The following PTK2B variants were observed in gnomAD, a reference collection of about 807,000 sequenced individuals.
PTK2B encodes the protein protein-tyrosine kinase 2-beta.
In PTK2B, 71 loss-of-function variants were observed where a neutral mutation model predicts 142.9. The observed-to-expected ratio is 0.50, with a 90% confidence interval of 0.41 to 0.61. The LOEUF (loss-of-function observed/expected upper bound fraction) is 0.61, where lower values mean the gene tolerates loss of function less well. Ranked by LOEUF, PTK2B falls within the 20% of genes least tolerant of loss-of-function variation. The pLI, the probability that PTK2B is intolerant of heterozygous loss-of-function variation, is 0.00. For synonymous variants in PTK2B, 519 were observed against 503.4 expected, an observed-to-expected ratio of 1.03 and a Z score of -0.42; for missense variants, 1,105 against 1,320.4, an observed-to-expected ratio of 0.84 and a Z score of 2.53.
intron 1 of PTK2B, among the ~76,000 whole-genome samples, chr8:27,343,301 C>T (rs911232422): frequency 1.7e-4 from 26 of 152,270 alleles, no homozygotes; most frequent in Middle Eastern, 3.4e-3. Context: ...ACAGCCAAGC[C>T]CTCCCACTGC....
chr8:27,426,690 T>A (rs1810106104), intron 5 of PTK2B, among the ~76,000 whole-genome samples: 2 of 152,170 alleles, frequency 1.3e-5, no homozygotes, highest in Non-Finnish European at 2.9e-5. Context: ...ATATAAATGA[T>A]CTTCGATGCC....
intron 1 of PTK2B, among the ~76,000 whole-genome samples, chr8:27,377,273 A>G (rs1806729180): frequency 6.6e-6 from 1 of 152,206 alleles, no homozygotes; most frequent in Admixed American, 6.5e-5. Flanking sequence ...GTGATCTGTG[A>G]TCACGGCCAA....
At chr8:27,377,058 G>A (rs1167182882) in intron 1 of PTK2B, among the ~76,000 whole-genome samples, 2 of 152,262 alleles carry the variant, frequency 1.3e-5, no homozygotes, top group Non-Finnish European at 2.9e-5. Context: ...GTGGGAGTGA[G>A]GAGGGTGCAA....
intron 1 of PTK2B, among the ~76,000 whole-genome samples, chr8:27,334,475 G>C (rs1275649392): frequency 1.3e-5 from 2 of 152,184 alleles, no homozygotes; most frequent in Non-Finnish European, 2.9e-5. Context: ...CTCAGTCGGT[G>C]ACCCACCCTT....
chr8:27,389,821 C>T (rs547601849), intron 1 of PTK2B, among the ~76,000 whole-genome samples: 9 of 152,244 alleles, frequency 5.9e-5, no homozygotes, highest in East Asian at 1.9e-4. Context: ...GCTGGCCCTG[C>T]GGGAACTGAG....
At chr8:27,445,772 C>T (rs1472624401) in intron 23 of PTK2B, 22 bp from the exon 24 acceptor site, 1 of 1,612,698 alleles carries the variant, frequency 6.2e-7, no homozygotes, top group African/African-American at 1.3e-5. Context: ...GTGCCTTGTG[C>T]TTCTTTGCTT....
At chr8:27,364,490 G>A (rs773471481) in intron 1 of PTK2B, among the ~76,000 whole-genome samples, 4 of 152,240 alleles carry the variant, frequency 2.6e-5, no homozygotes, top group Non-Finnish European at 5.9e-5. Flanking sequence ...GCTTCCTGAC[G>A]GAGGTGAAAC....
At chr8:27,398,077 A>G (rs1392952694) in intron 2 of PTK2B, among the ~76,000 whole-genome samples, 1 of 152,274 alleles carries the variant, frequency 6.6e-6, no homozygotes, top group Non-Finnish European at 1.5e-5. Context: ...AGTATTTATG[A>G]TACTTGAAGC....
chr8:27,449,563 A>G (rs143261367), intron 24 of PTK2B, among the ~76,000 whole-genome samples: 32 of 152,352 alleles, frequency 2.1e-4, no homozygotes, highest in African/African-American at 6.7e-4. Flanking sequence ...AAGGCAAGGA[A>G]CTGAGGGACC....
At chr8:27,379,207 A>T (rs2131067617) in intron 1 of PTK2B, among the ~76,000 whole-genome samples, 1 of 152,276 alleles carries the variant, frequency 6.6e-6, no homozygotes, top group African/African-American at 2.4e-5. Flanking sequence ...AACCAACATT[A>T]AAAGGGAACA....
rs1812003012 is a variant in PTK2B at position 27,454,253 on chromosome 8, T to C, written c.2695T>C (p.Cys899Arg). The change falls in exon 29 of 31, where the codon TGT (cysteine) becomes CGT (arginine). Residue 899 changes from cysteine to arginine, a missense_variant. By Grantham distance (180) the Cys-to-Arg change is radical. Transcript: ENST00000346049. Reference protein sequence around the residue: ...RAVLELKNELCQLPPEGYVVV... With the variant: ...RAVLELKNELRQLPPEGYVVV... The stretch of plus-strand genomic sequence containing the variant: ...CGTGCTGGAGCTCAAGAATGAGCTC[T>C]GTCAGCTGCCCCCCGAGGGCTACGT... The C allele has an allele frequency of 6.2e-7, 1 of 1,614,102 alleles. No homozygotes were observed. Among genetic ancestry groups the C allele is most frequent in the East Asian group, 2.2e-5 (1 of 44,870 alleles).
intron 1 of PTK2B, among the ~76,000 whole-genome samples, chr8:27,394,727 A>G (rs1807936778): frequency 6.6e-6 from 1 of 152,232 alleles, no homozygotes; most frequent in South Asian, 2.1e-4. Flanking sequence ...ATGCTTTTGT[A>G]TAATACTTAG....
chr8:27,429,696 T>G (rs1810289068), intron 5 of PTK2B, among the ~76,000 whole-genome samples: 1 of 152,130 alleles, frequency 6.6e-6, no homozygotes, highest in South Asian at 2.1e-4. Flanking sequence ...ATCTCAGAGA[T>G]AGCAAATAAG....
intron 6 of PTK2B, 28 bp from the exon 7 acceptor site, chr8:27,430,336 C>T: frequency 6.2e-7 from 1 of 1,614,080 alleles, no homozygotes; most frequent in Non-Finnish European, 8.5e-7. Context: ...GGGGGAGTCA[C>T]ATGCTGCCTT....
Position 27,435,785 on chromosome 8 carries a change from G to A in PTK2B, c.1235G>A (p.Arg412Lys), listed in dbSNP as rs765654240. The A allele has an allele frequency of 6.2e-7, 1 of 1,614,138 alleles. No individual in the cohort carries two copies. Among genetic ancestry groups the A allele is most frequent in the Non-Finnish European group, 8.5e-7 (1 of 1,180,038 alleles). The change falls in exon 14 of 31, where the codon AGG (arginine) becomes AAG (lysine). Residue 412 changes from arginine (R) to lysine (K), a missense_variant. Arg to Lys is a conservative substitution (Grantham distance 26). Transcript: ENST00000346049. ...GAGATTCCCGACGAAACCCTGCGAA[G>A]GCCCGGAGGTAGGTTCTCGACCCCG... ...YAEIPDETLR[R>K]PGGPQYGIAR...
intron 1 of PTK2B, among the ~76,000 whole-genome samples, chr8:27,351,032 T>TATATAC (rs1770586586): frequency 1.1e-5 from 1 of 90,438 alleles, no homozygotes; most frequent in African/African-American, 5.0e-5. Flanking sequence ...TATATATATA[T>TATATAC]ATATATATAC....
intron 1 of PTK2B, among the ~76,000 whole-genome samples, chr8:27,345,929 A>G (rs1372007778): frequency 1.3e-5 from 2 of 152,122 alleles, no homozygotes; most frequent in African/African-American, 2.4e-5. Flanking sequence ...TGCTCACACC[A>G]CTGGCTACAA....
Position 27,387,486 on chromosome 8 carries a change from G to A in PTK2B, c.-37-10062G>A, listed in dbSNP as rs565415211. On this transcript the variant is annotated intron_variant, in intron 1 of 30. Coordinates refer to ENST00000346049, the MANE Select transcript of PTK2B (RefSeq NM_173176.3). ...ACAGTCCTACAACCGTTCAAAACCAGCAATCCATCCTGCGTTCCCATGACT... is the reference window on the plus strand; with the variant it reads ...ACAGTCCTACAACCGTTCAAAACCAACAATCCATCCTGCGTTCCCATGACT... 3.0e-4 allele frequency among the ~76,000 whole-genome samples: 45 copies of A among 152,288 alleles called. 1 individual carries two copies. The highest frequency in any genetic ancestry group is 6.8e-3 in the Middle Eastern group (2 of 294).
At chr8:27,320,808 G>A (rs1373625129), upstream of PTK2B, among the ~76,000 whole-genome samples, 1 of 151,782 alleles carries the variant, frequency 6.6e-6, no homozygotes, top group Non-Finnish European at 1.5e-5. Context: ...TATTGGCCAT[G>A]GGTGATCAAC....
Sources: allele counts gnomAD v4.1 joint callset (sites outside exome capture counted in the v4.1 genomes callset), GRCh38; gene constraint gnomAD v4.1.1; transcripts MANE v1.5; gene names NCBI Gene and HGNC (gene_info 2026-07-23, HGNC 2026-07-21).